FABP3: variants seen among roughly 807,000 people sequenced by gnomAD.
The protein encoded by FABP3 is fatty acid-binding protein, heart.
A neutral mutation model predicts 13.4 loss-of-function variants in FABP3; 8 were observed. That is an observed-to-expected ratio of 0.60 (90% CI 0.35 to 1.07). The LOEUF (loss-of-function observed/expected upper bound fraction) is 1.07. Among genes scored for constraint, FABP3 ranks in the 50% least tolerant of loss-of-function variants. The pLI, the probability that FABP3 is intolerant of heterozygous loss-of-function variation, is 0.02. For synonymous variants in FABP3, 64 were observed against 60.0 expected, an observed-to-expected ratio of 1.07 and a Z score of -0.31; for missense variants, 135 against 164.7, an observed-to-expected ratio of 0.82 and a Z score of 0.99.
At chr1:31,363,373 C>T (rs139811248), downstream of FABP3, among the ~76,000 whole-genome samples, 870 of 152,114 alleles carry the variant, frequency 5.7e-3, 67 homozygotes, top group East Asian at 0.14. Context: ...TTAGTAGAGA[C>T]GGGGTTTCAC....
At chr1:31,364,867 A>C (rs1189618547), downstream of FABP3, 1 of 152,254 alleles carries the variant, frequency 6.6e-6, no homozygotes. Flanking sequence ...CTACTGTGTG[A>C]ATCAGTTGAT....
chr1:31,363,706 C>T (rs113022955), downstream of FABP3, among the ~76,000 whole-genome samples: 3,396 of 152,210 alleles, frequency 0.022, 116 homozygotes, highest in African/African-American at 0.077. Context: ...TGCTTGAGCC[C>T]AAGAGGTTGA....
At position 31,369,278 on chromosome 1, in the gene FABP3, T is replaced by C. The variant is rs955051484; in HGVS notation, c.246+107A>G. The stretch of plus-strand genomic sequence containing the variant: ...AATCTTGTTTCATTTAAATTCCCCA[T>C]GATAGTCTGCCCCTCAGGGTGCAAT... On this transcript the variant is annotated intron_variant, in intron 2 of 3. Transcript: ENST00000373713. 12 of 1,165,594 alleles carry C rather than the reference T, an allele frequency of 1.0e-5. No individual in the cohort carries two copies. The African/African-American group carries it at 1.5e-4, about 15-fold the overall frequency. 72.2% of individuals were successfully genotyped at this position (1,165,594 alleles called of 1,614,324 possible).
chr1:31,366,707 C>T (rs1640119926), intron 3 of FABP3, among the ~76,000 whole-genome samples: 1 of 152,182 alleles, frequency 6.6e-6, no homozygotes, highest in African/African-American at 2.4e-5. Context: ...CAAGTGAAGT[C>T]CCCAAGCTTG....
In FABP3 at chr1:31,365,720, A is replaced by AC. The variant is rs1180776375; in HGVS notation, c.*165_*166insG. 4.2e-5 allele frequency: 26 copies of AC among 618,810 alleles called. No individual in the cohort carries two copies. The highest frequency in any genetic ancestry group is 3.2e-4 in the Middle Eastern group (1 of 3,106). 38.3% of individuals were successfully genotyped at this position (618,810 alleles called of 1,614,324 possible). On this transcript the variant is annotated 3_prime_UTR_variant, in exon 4 of 4. Transcript: ENST00000373713. ...GAGTGCAGTTAAAAAAAAAAAAAAA[A>AC]AACCACATACACCATGGGAACTGGA...
chr1:31,360,649 T>C (rs1639847853), downstream of FABP3, among the ~76,000 whole-genome samples: 1 of 152,120 alleles, frequency 6.6e-6, no homozygotes. Context: ...CTAGCTAGAG[T>C]CCATGTTCCA....
At position 31,369,398 on chromosome 1, in the gene FABP3, T is replaced by G; in HGVS notation, c.233A>C (p.Asp78Ala). ...TCCCTGACTTACCTTGACCTTCCTG[T>G]CATCTGCTGTTGTCTCATCGAACTC... ...GVEFDETTADDRKVKSIVTLD... is the reference protein window; with the variant it reads ...GVEFDETTADARKVKSIVTLD... Residue 78 changes from aspartate to alanine, a missense_variant, in exon 2 of 4, where the codon GAC becomes GCC. Coordinates refer to ENST00000373713, the MANE Select transcript of FABP3 (RefSeq NM_004102.5). The G allele has an allele frequency of 6.2e-7, 1 of 1,614,118 alleles. No homozygotes were observed. The highest frequency in any genetic ancestry group is 8.5e-7 in the Non-Finnish European group (1 of 1,179,992).
chr1:31,363,456 T>TA (rs544905532), downstream of FABP3, among the ~76,000 whole-genome samples: 1,086 of 152,334 alleles, frequency 7.1e-3, 4 homozygotes, highest in Non-Finnish European at 0.012. Context: ...GTGCTGGGAT[T>TA]ACAGGCGTGA....
intron 2 of FABP3, 149 bp from the exon 3 acceptor site, chr1:31,367,643 G>A: frequency 1.5e-6 from 1 of 677,880 alleles, no homozygotes. Flanking sequence ...CCGCCTCCCA[G>A]CTATCCCTGC....
chr1:31,361,153 A>G (rs559543931), downstream of FABP3, among the ~76,000 whole-genome samples: 91 of 152,214 alleles, frequency 6.0e-4, no homozygotes, highest in Admixed American at 9.2e-4. Flanking sequence ...TTGATTTGCC[A>G]ACTCTCAGCT....
At chr1:31,367,165 G>C (rs894360636) in intron 3 of FABP3, among the ~76,000 whole-genome samples, 1 of 152,196 alleles carries the variant, frequency 6.6e-6, no homozygotes, top group Non-Finnish European at 1.5e-5. Flanking sequence ...TGGAAAAGGT[G>C]ATTTGCCCAC....
At chr1:31,362,869 TAGAC>T (rs774296768), downstream of FABP3, among the ~76,000 whole-genome samples, 2 of 152,202 alleles carry the variant, frequency 1.3e-5, no homozygotes, top group African/African-American at 4.8e-5. Flanking sequence ...AAAATCAAAT[TAGAC>T]AGAAGTATTT....
At chr1:31,364,146 A>C (rs778260756), downstream of FABP3, 7 of 1,613,766 alleles carry the variant, frequency 4.3e-6, no homozygotes, top group Non-Finnish European at 5.9e-6. Context: ...CAAGGCAGCA[A>C]AGAAGAAGAA....
At chr1:31,361,681 A>C (rs940545408), downstream of FABP3, among the ~76,000 whole-genome samples, 4 of 152,210 alleles carry the variant, frequency 2.6e-5, no homozygotes, top group African/African-American at 4.8e-5. Context: ...GAAGATCCCA[A>C]CTGCGCCTAT....
At chr1:31,370,340 C>T (rs1640186011) in intron 1 of FABP3, among the ~76,000 whole-genome samples, 1 of 152,174 alleles carries the variant, frequency 6.6e-6, no homozygotes. Context: ...ATAAGGCTGC[C>T]TTCCAGGGCA....
Position 31,365,506 on chromosome 1 carries a change from A to C in FABP3, c.*380T>G, listed in dbSNP as rs1479845375. The C allele has an allele frequency of 1.3e-5, 3 of 224,706 alleles. No individual in the cohort carries two copies. The highest frequency in any genetic ancestry group is 6.8e-5 in the African/African-American group (3 of 43,922). The allele number at this position is 224,706 out of a possible 1,614,324, so 13.9% of individuals were successfully genotyped here. ...ATTAAATGTGTAAGGTGATCAGCTG[A>C]TTAACAGGCTCCGAGACTGTCCATT... On this transcript the variant is annotated 3_prime_UTR_variant, in exon 4 of 4. Transcript: ENST00000373713.
chr1:31,361,218 C>T (rs567975818), downstream of FABP3, among the ~76,000 whole-genome samples: 2 of 152,264 alleles, frequency 1.3e-5, no homozygotes, highest in African/African-American at 4.8e-5. Flanking sequence ...AGCTTTGTTG[C>T]CTTCTCTCTA....
chr1:31,372,150 C>T (rs2148496786), intron 1 of FABP3, among the ~76,000 whole-genome samples: 1 of 152,256 alleles, frequency 6.6e-6, no homozygotes, highest in East Asian at 1.9e-4. Flanking sequence ...AACCAGTGAT[C>T]CTCCCTCCCA....
rs199923041 is a variant in FABP3 at position 31,366,111 on chromosome 1, A to AT, written c.349-173dup. ...GTGTGTGTGTGTGTATACATACATA[A>AT]TTTTTTTTTTCTGATATGCACAGCA... On this transcript the variant is annotated intron_variant, in intron 3 of 3. Coordinates refer to ENST00000373713, the MANE Select transcript of FABP3 (RefSeq NM_004102.5). 9.1e-5 allele frequency among the ~76,000 whole-genome samples: 13 copies of AT among 143,364 alleles called. 1 individual carries two copies. Among genetic ancestry groups the AT allele is most frequent in the Admixed American group, 2.8e-4 (4 of 14,298 alleles). 94.1% of individuals were successfully genotyped at this position (143,364 alleles called of 152,430 possible). A position where few individuals can be genotyped will look rare whatever the true frequency, so the allele number is the denominator to read the frequency against.
Sources: gnomAD v4.1 joint callset for allele counts (sites outside exome capture counted in the v4.1 genomes callset) on GRCh38, gnomAD v4.1.1 for gene constraint, MANE v1.5 for transcripts, NCBI Gene and HGNC (gene_info 2026-07-23, HGNC 2026-07-21) for gene names.